SPATA6: variants seen among roughly 807,000 people sequenced by gnomAD.
SPATA6 encodes spermatogenesis associated 6.
Under a neutral mutation model 65.3 loss-of-function variants are expected in SPATA6, and 56 were observed. The observed-to-expected ratio is 0.86, with a 90% confidence interval of 0.69 to 1.07. SPATA6 has a LOEUF of 1.07. Among genes scored for constraint, SPATA6 ranks in the 50% least tolerant of loss-of-function variants. The pLI, the probability that SPATA6 is intolerant of heterozygous loss-of-function variation, is 0.00. For missense variants in SPATA6, 590 were observed against 594.8 expected (o/e 0.99, Z 0.08); for synonymous variants, 199 against 213.2 (o/e 0.93, Z 0.58).
chr1:48,431,405 A>C (rs1341579894), intron 3 of SPATA6, among the ~76,000 whole-genome samples: 1 of 152,162 alleles, frequency 6.6e-6, no homozygotes, highest in South Asian at 2.1e-4. Flanking sequence ...AAAAACACAC[A>C]CACAATAAAC....
intron 1 of SPATA6, among the ~76,000 whole-genome samples, chr1:48,463,158 A>G (rs2148191650): frequency 6.6e-6 from 1 of 152,306 alleles, no homozygotes; most frequent in African/African-American, 2.4e-5. Flanking sequence ...TGCAGGCAGC[A>G]TATCATGGGA....
At chr1:48,290,521 T>C (rs1644759712), downstream of SPATA6, among the ~76,000 whole-genome samples, 1 of 152,168 alleles carries the variant, frequency 6.6e-6, no homozygotes, top group Non-Finnish European at 1.5e-5. Context: ...GTAAATGGGC[T>C]AAATGCTCCA....
chr1:48,325,845 G>A, intron 11 of SPATA6: 1 of 417,690 alleles, frequency 2.4e-6, no homozygotes, highest in East Asian at 5.4e-5. Flanking sequence ...CCAAGAAAGT[G>A]CTGTGTGTAC....
intron 5 of SPATA6, among the ~76,000 whole-genome samples, chr1:48,409,543 G>T (rs1008246611): frequency 6.6e-6 from 1 of 152,224 alleles, no homozygotes; most frequent in African/African-American, 2.4e-5. Context: ...ACTCTGTGTG[G>T]AGGCTCTGAC....
chr1:48,464,417 G>C (rs1039722443), intron 1 of SPATA6, among the ~76,000 whole-genome samples: 2 of 152,126 alleles, frequency 1.3e-5, no homozygotes, highest in African/African-American at 4.8e-5. Context: ...TTGAAATAAT[G>C]TTATTTCATG....
chr1:48,300,931 T>C (rs1644922255), intron 12 of SPATA6, among the ~76,000 whole-genome samples: 1 of 151,970 alleles, frequency 6.6e-6, no homozygotes, highest in African/African-American at 2.4e-5. Flanking sequence ...AAGGGCCATA[T>C]ACAACAAACT....
At position 48,418,544 on chromosome 1, in the gene SPATA6, C is replaced by CAAAAAAAAA. The variant is rs34415296; in HGVS notation, c.239-5402_239-5394dup. 3.6e-4 allele frequency among the ~76,000 whole-genome samples: 18 copies of CAAAAAAAAA among 49,698 alleles called. 1 individual carries two copies. Among genetic ancestry groups the CAAAAAAAAA allele is most frequent in the Admixed American group, 7.7e-4 (2 of 2,596 alleles). The allele number at this position is 49,698 out of a possible 152,430, so 32.6% of individuals were successfully genotyped here. A position where few individuals can be genotyped will look rare whatever the true frequency, so the allele number is the denominator to read the frequency against. On this transcript the variant is annotated intron_variant, in intron 3 of 12. Transcript: ENST00000371847. ...GCAACATGGCAAGAACCCATCCCTA[C>CAAAAAAAAA]AAAAAAAAAAAAAAAAAAAAAAAAA...
chr1:48,419,901 G>A (rs1329387335), intron 3 of SPATA6, among the ~76,000 whole-genome samples: 5 of 152,156 alleles, frequency 3.3e-5, no homozygotes, highest in Non-Finnish European at 7.4e-5. Context: ...CTGATTTGAA[G>A]GTCATGAGAA....
chr1:48,469,478 A>T (rs1279226557), intron 1 of SPATA6, among the ~76,000 whole-genome samples: 13 of 31,720 alleles, frequency 4.1e-4, no homozygotes, highest in African/African-American at 2.2e-3. Flanking sequence ...CTATTTATAT[A>T]TATATATATA....
chr1:48,337,260 A>T (rs1312302840), intron 11 of SPATA6, among the ~76,000 whole-genome samples: 1 of 151,922 alleles, frequency 6.6e-6, no homozygotes, highest in East Asian at 1.9e-4. Flanking sequence ...GTGATTTGCT[A>T]TATTAAAATA....
intron 2 of SPATA6, 90 bp from the exon 3 acceptor site, chr1:48,451,690 A>C: frequency 7.7e-7 from 1 of 1,293,730 alleles, no homozygotes; most frequent in Non-Finnish European, 1.1e-6. Flanking sequence ...TTTCACAATC[A>C]CAGAAACTTT....
chr1:48,277,383 T>C, the SPATA6 span, among the ~76,000 whole-genome samples: 1 of 152,240 alleles, frequency 6.6e-6, no homozygotes, highest in African/African-American at 2.4e-5. Context: ...AGGCATTGCC[T>C]CACTTGGGAA....
intron 11 of SPATA6, among the ~76,000 whole-genome samples, chr1:48,321,177 C>T (rs971722790): frequency 6.6e-6 from 1 of 152,066 alleles, no homozygotes; most frequent in Non-Finnish European, 1.5e-5. Context: ...AATAATAACA[C>T]TGAATGAAAA....
intron 10 of SPATA6, among the ~76,000 whole-genome samples, chr1:48,358,850 A>G (rs1393371895): frequency 6.6e-6 from 1 of 152,156 alleles, no homozygotes; most frequent in Non-Finnish European, 1.5e-5. Context: ...CAAAGCTAAT[A>G]AGTAAACAGA....
rs750907476 is a variant in SPATA6, at chr1:48,451,588, C to T, written c.202G>A (p.Ala68Thr). 49 of 1,612,134 alleles carry T rather than the reference C, an allele frequency of 3.0e-5. No individual in the cohort carries two copies. Among genetic ancestry groups the T allele is most frequent in the East Asian group, 6.7e-5 (3 of 44,816 alleles). The part of the protein sequence containing the change: ...RMVFEKVFPD[A>T]VDPGDVVTQL... ...GTAACCACATCTCCAGGATCTACTG[C>T]GTCCGGGAACACCTATAGTGAGACG... The change falls in exon 3 of 13, where the codon GCA becomes ACA. Residue 68 changes from alanine to threonine, a missense_variant. Ala to Thr is a moderately conservative substitution (Grantham distance 58). Coordinates refer to ENST00000371847, the MANE Select transcript of SPATA6 (RefSeq NM_019073.4).
chr1:48,293,489 G>A (rs1644781650), downstream of SPATA6, among the ~76,000 whole-genome samples: 1 of 152,108 alleles, frequency 6.6e-6, no homozygotes, highest in Non-Finnish European at 1.5e-5. Context: ...ATTGTTGTTT[G>A]TGGGGTTGAG....
At chr1:48,428,107 C>T (rs1654009786) in intron 3 of SPATA6, among the ~76,000 whole-genome samples, 1 of 152,156 alleles carries the variant, frequency 6.6e-6, no homozygotes, top group African/African-American at 2.4e-5. Flanking sequence ...ATGCATCTGG[C>T]TCCCTAAAAA....
At chr1:48,428,840 T>G (rs1391340131) in intron 3 of SPATA6, among the ~76,000 whole-genome samples, 2 of 142,392 alleles carry the variant, frequency 1.4e-5, no homozygotes, top group African/African-American at 5.1e-5. Flanking sequence ...TATATATATG[T>G]GTATATATAT....
chr1:48,416,042 A>C (rs1433584902), intron 3 of SPATA6, among the ~76,000 whole-genome samples: 1 of 152,154 alleles, frequency 6.6e-6, no homozygotes, highest in Non-Finnish European at 1.5e-5. Flanking sequence ...GTCTCTACAG[A>C]AAATACAAAA....
Sources: allele counts gnomAD v4.1 joint callset (sites outside exome capture counted in the v4.1 genomes callset), GRCh38; gene constraint gnomAD v4.1.1; transcripts MANE v1.5; gene names NCBI Gene and HGNC (gene_info 2026-07-23, HGNC 2026-07-21).